LRRC4B: variants seen among roughly 807,000 people sequenced by gnomAD.
LRRC4B encodes the protein leucine rich repeat containing 4B.
In LRRC4B, 1 loss-of-function variant was observed where a neutral mutation model predicts 7.3. The ratio of observed to expected loss-of-function variants is 0.14; its 90% CI spans 0.05 to 0.65. The LOEUF (loss-of-function observed/expected upper bound fraction) is 0.65, where lower values mean the gene tolerates loss of function less well. Ranked by LOEUF, LRRC4B falls within the 30% of genes least tolerant of loss-of-function variation. The pLI is 0.84. For synonymous variants in LRRC4B, 500 were observed against 499.2 expected (o/e 1.00, Z -0.02); for missense variants, 730 against 1,041.6 (o/e 0.70, Z 4.12).
chr19:50,565,525 T>TGG (rs1982598679), intron 1 of LRRC4B, among the ~76,000 whole-genome samples: 2 of 98,038 alleles, frequency 2.0e-5, no homozygotes, highest in Non-Finnish European at 4.1e-5. Context: ...CTGTGTGCTC[T>TGG]CGTGTGTGTG....
chr19:50,543,326 C>T (rs1981637252), intron 2 of LRRC4B, among the ~76,000 whole-genome samples: 1 of 115,450 alleles, frequency 8.7e-6, no homozygotes, highest in African/African-American at 3.5e-5. Context: ...TGCTCCAGTG[C>T]CAGGCCCTGG....
chr19:50,551,432 G>C (rs1312317280), intron 1 of LRRC4B, among the ~76,000 whole-genome samples: 1 of 139,852 alleles, frequency 7.2e-6, no homozygotes, highest in African/African-American at 2.7e-5. Flanking sequence ...CTCCCCGCTC[G>C]CCTCCTCCGG....
In LRRC4B at chr19:50,519,259, G is replaced by A; in HGVS notation, c.454C>T (p.Gln152Ter). 1 of 1,614,132 alleles carries A rather than the reference G, an allele frequency of 6.2e-7. No homozygotes were observed. Among genetic ancestry groups the A allele is most frequent in the Non-Finnish European group, 8.5e-7 (1 of 1,180,044 alleles). Residue 152 changes from glutamine to a stop codon, truncating the protein, a stop_gained, in exon 3 of 3, where the codon CAG becomes TAG. Transcript: ENST00000652263. LOFTEE classifies it low-confidence loss of function (END_TRUNC). The surrounding 1 kb of genome is among the most constrained non-coding windows in gnomAD (Gnocchi z 8.1). ...AGCTTGGACAGGTACTCGAAGGCCT[G>A]CGTGGGCACCGTGGTCAGCCGGTTG... Reference protein sequence around the residue: ...FDNRLTTVPTQAFEYLSKLRE... With the variant: ...FDNRLTTVPT
intron 2 of LRRC4B, among the ~76,000 whole-genome samples, chr19:50,546,930 G>C (rs1191019238): frequency 6.6e-6 from 1 of 152,234 alleles, no homozygotes; most frequent in African/African-American, 2.4e-5. Flanking sequence ...CCACTAGAAT[G>C]TGAGCTGCCG....
At chr19:50,546,641 C>A (rs183956248) in intron 2 of LRRC4B, among the ~76,000 whole-genome samples, 1 of 152,138 alleles carries the variant, frequency 6.6e-6, no homozygotes, top group Non-Finnish European at 1.5e-5. Flanking sequence ...GCATGATATA[C>A]GGAGGGAGCG....
chr19:50,532,667 T>A (rs961020776), intron 2 of LRRC4B, among the ~76,000 whole-genome samples: 1 of 152,216 alleles, frequency 6.6e-6, no homozygotes, highest in African/African-American at 2.4e-5. Flanking sequence ...TAGATCCCTA[T>A]CGCAGTGACT....
intron 1 of LRRC4B, among the ~76,000 whole-genome samples, chr19:50,549,734 G>A (rs1026686346): frequency 6.6e-6 from 1 of 152,298 alleles, no homozygotes; most frequent in Admixed American, 6.5e-5. Flanking sequence ...CTGACGGGGG[G>A]CGGCACAGGC....
At chr19:50,546,877 G>A (rs548567990) in intron 2 of LRRC4B, among the ~76,000 whole-genome samples, 4 of 152,140 alleles carry the variant, frequency 2.6e-5, no homozygotes, top group Admixed American at 6.5e-5. Flanking sequence ...TTTCCCTGGC[G>A]TGCCGTCCCA....
chr19:50,534,318 C>T (rs1488085243), intron 2 of LRRC4B, among the ~76,000 whole-genome samples: 6 of 152,082 alleles, frequency 3.9e-5, no homozygotes, highest in Non-Finnish European at 7.4e-5. Context: ...CAGATCACCT[C>T]TGAAGTTGTG....
chr19:50,560,258 C>T (rs1421616936), intron 1 of LRRC4B, among the ~76,000 whole-genome samples: 1 of 152,116 alleles, frequency 6.6e-6, no homozygotes, highest in African/African-American at 2.4e-5. Context: ...CTCTAAGTGC[C>T]CATCTCACTC....
At chr19:50,552,590 GTCCA>G (rs71182735) in intron 1 of LRRC4B, among the ~76,000 whole-genome samples, 39,527 of 108,746 alleles carry the variant, frequency 0.36, 6,309 homozygotes, top group African/African-American at 0.4. Flanking sequence ...CCATCCATCT[GTCCA>G]TCCATCCATC....
At chr19:50,546,355 T>C (rs913345662) in intron 2 of LRRC4B, among the ~76,000 whole-genome samples, 4 of 151,312 alleles carry the variant, frequency 2.6e-5, no homozygotes, top group South Asian at 2.1e-4. Context: ...AATAAATAAA[T>C]ACAAAAATAA....
chr19:50,554,902 G>T (rs2122916056), intron 1 of LRRC4B, among the ~76,000 whole-genome samples: 1 of 152,318 alleles, frequency 6.6e-6, no homozygotes, highest in African/African-American at 2.4e-5. Flanking sequence ...ACCCCCAAGT[G>T]TGGCCTGACA....
Position 50,556,806 on chromosome 19 carries a change from T to C in LRRC4B, c.-35-7933A>G, listed in dbSNP as rs927870230. The stretch of plus-strand genomic sequence containing the variant: ...CACCCGAGGCAAGGAGCCCTGGGTC[T>C]CTAGGGAGGCAAGTGTGGGGGTGGG... On this transcript the variant is annotated intron_variant, in intron 1 of 2. Transcript: ENST00000652263. This position sits in a 1 kb window ranked among gnomAD's most constrained non-coding sequence, Gnocchi z 4.2. Among the ~76,000 whole-genome samples the C allele has an allele frequency of 1.3e-5, 2 of 151,862 alleles. No homozygotes were observed. Among genetic ancestry groups the C allele is most frequent in the Non-Finnish European group, 2.9e-5 (2 of 67,934 alleles).
chr19:50,543,335 G>GGGGT (rs1555807804), intron 2 of LRRC4B, among the ~76,000 whole-genome samples: 1 of 145,194 alleles, frequency 6.9e-6, no homozygotes, highest in African/African-American at 2.6e-5. Context: ...GCCAGGCCCT[G>GGGGT]GTGTGTGTGT....
chr19:50,524,779 C>T lies in LRRC4B; in HGVS notation c.298-5364G>A, dbSNP rs556520564. Among the ~76,000 whole-genome samples, 123 of 152,312 alleles carry T rather than the reference C, an allele frequency of 8.1e-4. 1 individual carries two copies. Among genetic ancestry groups the T allele is most frequent in the South Asian group, 5.0e-3 (24 of 4,828 alleles). ...CCCAACATGTGTTTTACACCCAGGG[C>T]GTCCAGGGCACCTCTCAGTAGCAAC... On this transcript the variant is annotated intron_variant, in intron 2 of 2. Transcript: ENST00000652263.
At chr19:50,535,018 G>GCACA (rs1568723903) in intron 2 of LRRC4B, among the ~76,000 whole-genome samples, 1 of 148,836 alleles carries the variant, frequency 6.7e-6, no homozygotes, top group Non-Finnish European at 1.5e-5. Context: ...ACAGGCGCCT[G>GCACA]CCACCACACC....
intron 2 of LRRC4B, among the ~76,000 whole-genome samples, chr19:50,526,133 T>C (rs1393678255): frequency 6.6e-6 from 1 of 152,092 alleles, no homozygotes; most frequent in Admixed American, 6.5e-5. Flanking sequence ...GACTCTCCCA[T>C]GCCCCGCTGT....
chr19:50,559,453 A>T (rs528522128), intron 1 of LRRC4B, among the ~76,000 whole-genome samples: 1 of 152,326 alleles, frequency 6.6e-6, no homozygotes, highest in South Asian at 2.1e-4. Flanking sequence ...AAAGAAAAAA[A>T]ACTGAACTTC....
Sources: allele counts gnomAD v4.1 joint callset (sites outside exome capture counted in the v4.1 genomes callset), GRCh38; gene constraint gnomAD v4.1.1; non-coding constraint Gnocchi (gnomAD v3.1); transcripts MANE v1.5; gene names NCBI Gene and HGNC (gene_info 2026-07-23, HGNC 2026-07-21).